The following CD300LB variants were observed in gnomAD, a reference collection of about 807,000 sequenced individuals.
CD300LB encodes the protein CD300 molecule like family member b.
Under a neutral mutation model 20.8 loss-of-function variants are expected in CD300LB, and 18 were observed. The ratio of observed to expected loss-of-function variants is 0.87; its 90% CI spans 0.60 to 1.28. The LOEUF (loss-of-function observed/expected upper bound fraction) is 1.28. Among genes scored for constraint, CD300LB ranks in the 50% most tolerant of loss-of-function variants. CD300LB has a pLI of 0.00. For synonymous variants in CD300LB, 91 were observed against 91.3 expected, an observed-to-expected ratio of 1.00 and a Z score of 0.02; for missense variants, 222 against 251.8, an observed-to-expected ratio of 0.88 and a Z score of 0.80.
At position 74,531,286 on chromosome 17, in the gene CD300LB, CGCCCAAG is replaced by C; in HGVS notation, c.40+18_40+24del. The C allele has an allele frequency of 1.3e-6, 2 of 1,523,460 alleles. No individual in the cohort carries two copies. Among genetic ancestry groups the C allele is most frequent in the Non-Finnish European group, 8.8e-7 (1 of 1,136,314 alleles). 94.4% of individuals were successfully genotyped at this position (1,523,460 alleles called of 1,614,324 possible). ...CCTGCCCTGCCCCTGTCATACCAAG[CGCCCAAG>C]GCCCCAGCCCCACTCACCTGAGAGG... is the stretch of plus-strand genomic sequence containing the variant. On this transcript the variant is annotated intron_variant, in intron 1 of 3. Coordinates refer to ENST00000392621, the MANE Select transcript of CD300LB (RefSeq NM_174892.4).
At position 74,522,771 on chromosome 17, in the gene CD300LB, G is replaced by T; in HGVS notation, c.573C>A (p.Phe191Leu). 1 of 1,614,186 alleles carries T rather than the reference G, an allele frequency of 6.2e-7. No homozygotes were observed. Among genetic ancestry groups the T allele is most frequent in the Non-Finnish European group, 8.5e-7 (1 of 1,180,024 alleles). Residue 191 changes from phenylalanine to leucine, a missense_variant, in exon 4 of 4, where the codon TTC becomes TTA. Coordinates refer to ENST00000392621, the MANE Select transcript of CD300LB (RefSeq NM_174892.4). ...EPGEQPIYMN[F>L]SEPLTKDMAT ...CCATGTCTTTAGTCAGAGGTTCGGA[G>T]AAGTTCATGTAGATAGGCTGTTCCC...
chr17:74,524,946 A>G (rs1177722107), intron 2 of CD300LB, among the ~76,000 whole-genome samples: 6 of 152,164 alleles, frequency 3.9e-5, no homozygotes, highest in Admixed American at 2.0e-4. Flanking sequence ...CACTGTGTCC[A>G]TGTGCCTCTT....
rs1190039845 is a variant in CD300LB, at chr17:74,525,977, C to T, written c.141G>A (p.Lys47=). 6.2e-7 allele frequency: 1 copy of T among 1,614,088 alleles called. No individual in the cohort carries two copies. The highest frequency in any genetic ancestry group is 8.5e-7 in the Non-Finnish European group (1 of 1,180,046). Residue 47 remains lysine (K), a synonymous_variant, in exon 2 of 4, where the codon AAG becomes AAA. Coordinates refer to ENST00000392621, the MANE Select transcript of CD300LB (RefSeq NM_174892.4). The part of the protein sequence containing the change: ...HYKQGWETYI[K]WWCRGVRWDT... ...CCCAGCGCACCCCTCGGCACCACCA[C>T]TTAATGTAGGTCTCCCATCCTTGCT...
intron 2 of CD300LB, among the ~76,000 whole-genome samples, chr17:74,525,093 G>T (rs1004863102): frequency 1.3e-5 from 2 of 152,122 alleles, no homozygotes; most frequent in African/African-American, 4.8e-5. Flanking sequence ...GTGGGGGTTG[G>T]GGGCTGCTTC....
chr17:74,527,517 C>A (rs1372734881), intron 1 of CD300LB, among the ~76,000 whole-genome samples: 1 of 152,224 alleles, frequency 6.6e-6, no homozygotes, highest in African/African-American at 2.4e-5. Context: ...GAATAATGTC[C>A]CCCATAGCTG....
chr17:74,522,612 C>T lies in CD300LB; in HGVS notation c.*126G>A. Reference sequence around the variant, plus strand: ...AGGGAGGTGCCCACCAGCTCCAAGGCCAGGGCGGAGGCCCAGGGCCCCTAT... The same window carrying T: ...AGGGAGGTGCCCACCAGCTCCAAGGTCAGGGCGGAGGCCCAGGGCCCCTAT... On this transcript the variant is annotated 3_prime_UTR_variant, in exon 4 of 4. Coordinates refer to ENST00000392621, the MANE Select transcript of CD300LB (RefSeq NM_174892.4). 6.6e-7 allele frequency: 1 copy of T among 1,505,452 alleles called. No individual in the cohort carries two copies. Among genetic ancestry groups the T allele is most frequent in the Admixed American group, 2.2e-5 (1 of 45,748 alleles). The allele number at this position is 1,505,452 out of a possible 1,614,324, so 93.3% of individuals were successfully genotyped here.
chr17:74,531,279 T>C (rs1301543535), intron 1 of CD300LB, 32 bp downstream of exon 1: 3 of 1,520,138 alleles, frequency 2.0e-6, no homozygotes, highest in African/African-American at 1.4e-5. Context: ...GCCCCTGTCA[T>C]ACCAAGCGCC....
In CD300LB at chr17:74,522,867, C is replaced by T; in HGVS notation, c.477G>A (p.Val159=). 2.5e-6 allele frequency: 4 copies of T among 1,614,024 alleles called. No individual in the cohort carries two copies. Among genetic ancestry groups the T allele is most frequent in the Non-Finnish European group, 3.4e-6 (4 of 1,180,022 alleles). ...CAGTGACCAAGATGAGCAAGATGGG[C>T]ACCTTCACAAATACCAGGAGCATGT... ...NHYMLLVFVK[V]PILLILVTAI... Residue 159 remains valine, a synonymous_variant, in exon 4 of 4, where the codon GTG becomes GTA. Coordinates refer to ENST00000392621, the MANE Select transcript of CD300LB (RefSeq NM_174892.4).
At chr17:74,525,644 G>T in intron 2 of CD300LB, 104 bp downstream of exon 2, 3 of 940,556 alleles carry the variant, frequency 3.2e-6, no homozygotes, top group Non-Finnish European at 4.9e-6. Context: ...TCTCTCTTAG[G>T]CTCACCATCA....
At position 74,522,541 on chromosome 17, in the gene CD300LB, G is replaced by A. The variant is rs138234150; in HGVS notation, c.*197C>T. 6.8e-5 allele frequency: 93 copies of A among 1,368,786 alleles called. 1 individual carries two copies. The East Asian group carries it at 2.6e-3, about 38-fold the overall frequency. The allele number at this position is 1,368,786 out of a possible 1,614,324, so 84.8% of individuals were successfully genotyped here. ...AGGTGCTGGCACCCCAGGAGGTGAT[G>A]GTGGCTCAGGAGAGGACCTGGCTAA... On this transcript the variant is annotated 3_prime_UTR_variant, in exon 4 of 4. Transcript: ENST00000392621.
rs1567998326 is a variant in CD300LB at position 74,523,058 on chromosome 17, G to C, written c.444-158C>G. ...AACCTCCTCCTTGGTTCAACCTCAA[G>C]GGGTCCTCCAACAGTCACCTTGGCT... On this transcript the variant is annotated intron_variant, in intron 3 of 3. Coordinates refer to ENST00000392621, the MANE Select transcript of CD300LB (RefSeq NM_174892.4). 6.0e-6 allele frequency: 4 copies of C among 666,414 alleles called. No homozygotes were observed. The Admixed American group carries it at 1.2e-4, about 20-fold the overall frequency. The allele number at this position is 666,414 out of a possible 1,614,324, so 41.3% of individuals were successfully genotyped here.
In CD300LB at chr17:74,530,593, C is replaced by CACACA. The variant is rs1568001209; in HGVS notation, c.40+717_40+718insTGTGT. ...CACACACACACACACACACACACAC[C>CACACA]CAACTCTCTAGAGTGTTCTCCTCTC... On this transcript the variant is annotated intron_variant, in intron 1 of 3. Transcript: ENST00000392621. Among the ~76,000 whole-genome samples, 19 of 128,014 alleles carry CACACA rather than the reference C, an allele frequency of 1.5e-4. No individual in the cohort carries two copies. In the East Asian group the frequency reaches 3.6e-3, roughly 24 times the overall value. 84.0% of individuals were successfully genotyped at this position (128,014 alleles called of 152,430 possible). A position where few individuals can be genotyped will look rare whatever the true frequency, so the allele number is the denominator to read the frequency against.
chr17:74,522,422 T>G lies in CD300LB; in HGVS notation c.*316A>C. On this transcript the variant is annotated 3_prime_UTR_variant, in exon 4 of 4. Coordinates refer to ENST00000392621, the MANE Select transcript of CD300LB (RefSeq NM_174892.4). ...GTCTCCCCCAACCTCTTTCTGTACT[T>G]TGGTCCCATGCTCTGTGCCCGAGTT... 3.8e-6 allele frequency: 4 copies of G among 1,063,040 alleles called. No homozygotes were observed. Among genetic ancestry groups the G allele is most frequent in the Non-Finnish European group, 4.6e-6 (4 of 878,792 alleles). The allele number at this position is 1,063,040 out of a possible 1,614,324, so 65.9% of individuals were successfully genotyped here.
Position 74,526,066 on chromosome 17 carries a change from T to A in CD300LB, c.52A>T (p.Ile18Phe). 1.9e-6 allele frequency: 3 copies of A among 1,612,948 alleles called. No individual in the cohort carries two copies. The highest frequency in any genetic ancestry group is 2.5e-6 in the Non-Finnish European group (3 of 1,179,176). Residue 18 changes from isoleucine (I) to phenylalanine (F), a missense_variant, in exon 2 of 4, where the codon ATC (isoleucine) becomes TTC (phenylalanine). Ile to Phe is a conservative substitution (Grantham distance 21). Transcript: ENST00000392621. ...LLLSLSGCFS[I>F]QGPESVRAPE... The stretch of plus-strand genomic sequence containing the variant: ...GCTCTCACAGACTCTGGGCCTTGGA[T>A]GGAGAAACAGCCTGGAAAACAGAAT...
rs1908206460 is a variant in CD300LB at position 74,531,302 on chromosome 17, C to T, written c.40+9G>A. On this transcript the variant is annotated intron_variant, in intron 1 of 3. Transcript: ENST00000392621. ...CATACCAAGCGCCCAAGGCCCCAGC[C>T]CCACTCACCTGAGAGGCTGAGAAGG... is the stretch of plus-strand genomic sequence containing the variant. The T allele has an allele frequency of 1.3e-6, 2 of 1,570,360 alleles. No homozygotes were observed. The highest frequency in any genetic ancestry group is 1.4e-5 in the African/African-American group (1 of 73,100).
At chr17:74,522,951 C>T (rs1907928429) in intron 3 of CD300LB, 51 bp from the exon 4 acceptor site, 3 of 1,556,092 alleles carry the variant, frequency 1.9e-6, no homozygotes, top group South Asian at 2.3e-5. Context: ...CAGGCCATGT[C>T]ACTCCCATCC....
chr17:74,527,275 T>C (rs892646044), intron 1 of CD300LB, among the ~76,000 whole-genome samples: 33 of 152,000 alleles, frequency 2.2e-4, no homozygotes, highest in African/African-American at 7.0e-4. Context: ...GCTCTTTCCT[T>C]GGCAATGACA....
chr17:74,526,664 G>A (rs1908045580), intron 1 of CD300LB, among the ~76,000 whole-genome samples: 1 of 152,312 alleles, frequency 6.6e-6, no homozygotes, highest in Non-Finnish European at 1.5e-5. Flanking sequence ...AGTGAGCTGA[G>A]ATCGCACCAC....
At chr17:74,524,682 C>G (rs1352223805) in intron 2 of CD300LB, among the ~76,000 whole-genome samples, 1 of 152,204 alleles carries the variant, frequency 6.6e-6, no homozygotes, top group African/African-American at 2.4e-5. Flanking sequence ...GCAGGTAATT[C>G]CAATCACAAC....
Sources: gnomAD v4.1 joint callset for allele counts (sites outside exome capture counted in the v4.1 genomes callset) on GRCh38, gnomAD v4.1.1 for gene constraint, MANE v1.5 for transcripts, NCBI Gene and HGNC (gene_info 2026-07-23, HGNC 2026-07-21) for gene names.